Variants in INKA2 observed in about 807,000 individuals in gnomAD.
INKA2 encodes the protein PAK4-inhibitor INKA2.
In INKA2, 3 loss-of-function variants were observed where a neutral mutation model predicts 9.8. The observed-to-expected ratio is 0.31, with a 90% CI of 0.14 to 0.79. The LOEUF is 0.79. INKA2 is among the 30% of genes least tolerant of loss of function. The pLI is 0.62. For synonymous variants in INKA2, 147 were observed against 143.3 expected, an observed-to-expected ratio of 1.03 and a Z score of -0.18; for missense variants, 392 against 384.4, an observed-to-expected ratio of 1.02 and a Z score of -0.17.
chr1:111,743,972 G>A (rs1438061474), upstream of INKA2, among the ~76,000 whole-genome samples: 2 of 152,254 alleles, frequency 1.3e-5, no homozygotes, highest in African/African-American at 4.8e-5. Flanking sequence ...TTCTCTCTAG[G>A]GAGAGGACCT....
upstream of INKA2, among the ~76,000 whole-genome samples, chr1:111,742,980 T>A (rs1663179102): frequency 6.6e-6 from 1 of 152,242 alleles, no homozygotes; most frequent in African/African-American, 2.4e-5. Flanking sequence ...GTAACTCTCA[T>A]CTGGGCAGAG....
At chr1:111,741,074 C>A (rs1296905097), upstream of INKA2, among the ~76,000 whole-genome samples, 1 of 113,948 alleles carries the variant, frequency 8.8e-6, no homozygotes, top group East Asian at 2.7e-4. Flanking sequence ...AGACATGGCG[C>A]GGGGAGGGAG....
chr1:111,751,559 T>A (rs904554438), intron 1 of INKA2, among the ~76,000 whole-genome samples: 2 of 152,216 alleles, frequency 1.3e-5, no homozygotes, highest in Non-Finnish European at 2.9e-5. Context: ...ATTACTAATC[T>A]TCTTCTGAGG....
At chr1:111,749,480 G>T (rs1013988738) in intron 1 of INKA2, among the ~76,000 whole-genome samples, 1 of 152,020 alleles carries the variant, frequency 6.6e-6, no homozygotes, top group Non-Finnish European at 1.5e-5. Flanking sequence ...CAAGGCAGGG[G>T]AGTCTCTGGT....
chr1:111,725,980 G>C lies in INKA2; in HGVS notation c.*988C>G. On this transcript the variant is annotated 3_prime_UTR_variant, in exon 2 of 2. Coordinates refer to ENST00000357260, the MANE Select transcript of INKA2 (RefSeq NM_019099.5). ...ATGAACTCCTGACCCCAGGTAATCC[G>C]CCTGCCTTGCCCTCCCAAAGTGCTG... The C allele has an allele frequency of 2.5e-6, 1 of 395,814 alleles. No individual in the cohort carries two copies. Among genetic ancestry groups the C allele is most frequent in the Non-Finnish European group, 4.5e-6 (1 of 224,388 alleles). 24.5% of individuals were successfully genotyped at this position (395,814 alleles called of 1,614,324 possible).
In INKA2 at chr1:111,723,407, G is replaced by C; in HGVS notation, c.*3561C>G. ...CTGAAAGGTTGGGAAGAGAAAGGGA[G>C]GAGGGAGACCAGGCCGGCCCCACTA... On this transcript the variant is annotated 3_prime_UTR_variant, in exon 2 of 2. Coordinates refer to ENST00000357260, the MANE Select transcript of INKA2 (RefSeq NM_019099.5). 1 of 389,874 alleles carries C rather than the reference G, an allele frequency of 2.6e-6. No homozygotes were observed. Among genetic ancestry groups the C allele is most frequent in the South Asian group, 6.4e-5 (1 of 15,522 alleles). The allele number at this position is 389,874 out of a possible 1,614,324, so 24.2% of individuals were successfully genotyped here. A position where few individuals can be genotyped will look rare whatever the true frequency, so the allele number is the denominator to read the frequency against.
Position 111,755,553 on chromosome 1 carries a change from C to T in INKA2, n.124+148G>A, listed in dbSNP as rs540982657. 4.7e-6 allele frequency: 4 copies of T among 847,546 alleles called. No individual in the cohort carries two copies. In the African/African-American group the frequency reaches 5.4e-5, roughly 11 times the overall value. 52.5% of individuals were successfully genotyped at this position (847,546 alleles called of 1,614,324 possible). ...ACGGAAGCACGAGACGGGGGCGTGACGCACCGGGCGCATCACAAAGAACGG... is the reference window on the plus strand; with the variant it reads ...ACGGAAGCACGAGACGGGGGCGTGATGCACCGGGCGCATCACAAAGAACGG... On this transcript the variant is annotated intron_variant and non_coding_transcript_variant, in intron 1 of 1. Coordinates refer to the INKA2 transcript ENST00000444059.
In INKA2 at chr1:111,726,979, C is replaced by G. The variant is rs376544641; in HGVS notation, c.883G>C (p.Val295Leu). ...TCTGTCTCTAGGATTCAGACCCAAACAGCTGTGTTAATATCAAATCCTGAG... is the reference window on the plus strand; with the variant it reads ...TCTGTCTCTAGGATTCAGACCCAAAGAGCTGTGTTAATATCAAATCCTGAG... ...SPSGFDINTA[V>L]WV is the part of the protein sequence containing the mutation. Residue 295 changes from valine (V) to leucine (L), a missense_variant, in exon 2 of 2, where the codon GTT (valine) becomes CTT (leucine). Val to Leu is a conservative substitution (Grantham distance 32). Coordinates refer to ENST00000357260, the MANE Select transcript of INKA2 (RefSeq NM_019099.5). 2 of 1,613,242 alleles carry G rather than the reference C, an allele frequency of 1.2e-6. No homozygotes were observed. The highest frequency in any genetic ancestry group is 8.5e-7 in the Non-Finnish European group (1 of 1,179,618).
intron 1 of INKA2, chr1:111,755,543 G>T (rs1272671580): frequency 2.6e-6 from 2 of 780,694 alleles, no homozygotes; most frequent in South Asian, 1.9e-5. Context: ...AGCACGAGAC[G>T]GGGGCGTGAC....
rs900039419 is a variant in INKA2, at chr1:111,754,175, G to A, written n.124+1526C>T. ...GGTAAATTGTTAGAAAGTGGCAAAG[G>A]AGTCAAGAATAATTCCCAGGTTTGT... On this transcript the variant is annotated intron_variant and non_coding_transcript_variant, in intron 1 of 1. Coordinates refer to the INKA2 transcript ENST00000444059. 3 of 152,342 alleles carry A rather than the reference G, an allele frequency of 2.0e-5. No homozygotes were observed. In the East Asian group the frequency reaches 5.8e-4, roughly 29 times the overall value. 9.4% of individuals were successfully genotyped at this position (152,342 alleles called of 1,614,324 possible). A position where few individuals can be genotyped will look rare whatever the true frequency, so the allele number is the denominator to read the frequency against.
intron 1 of INKA2, among the ~76,000 whole-genome samples, chr1:111,730,538 G>C (rs56260210): frequency 0.014 from 2,154 of 152,200 alleles, 43 homozygotes; most frequent in African/African-American, 0.048. Flanking sequence ...CCAATGCCCA[G>C]ACTCAAATCC....
chr1:111,723,253 T>C lies in INKA2; in HGVS notation c.*3715A>G, dbSNP rs1464943626. ...GAGGAGCCTCTCCCCAACAAGGCCC[T>C]AGGGAGGAGATGGGGATGTGGAGAG... is the stretch of plus-strand genomic sequence containing the variant. On this transcript the variant is annotated 3_prime_UTR_variant, in exon 2 of 2. Coordinates refer to ENST00000357260, the MANE Select transcript of INKA2 (RefSeq NM_019099.5). 6.8e-6 allele frequency: 4 copies of C among 584,364 alleles called. No individual in the cohort carries two copies. The highest frequency in any genetic ancestry group is 3.6e-4 in the Middle Eastern group (1 of 2,764). The allele number at this position is 584,364 out of a possible 1,614,324, so 36.2% of individuals were successfully genotyped here. A position where few individuals can be genotyped will look rare whatever the true frequency, so the allele number is the denominator to read the frequency against.
chr1:111,733,000 A>T (rs530867839), intron 1 of INKA2, among the ~76,000 whole-genome samples: 15 of 152,292 alleles, frequency 9.8e-5, no homozygotes, highest in African/African-American at 3.1e-4. Flanking sequence ...TTTCCTCTGC[A>T]CGGCCTGATC....
At chr1:111,755,784 C>T in exon 1 of INKA2, 1 of 1,610,534 alleles carries the variant, frequency 6.2e-7, no homozygotes, top group Non-Finnish European at 8.5e-7. Context: ...TCTCAGCCTC[C>T]GACTCCCGTC....
intron 1 of INKA2, among the ~76,000 whole-genome samples, chr1:111,733,946 C>G (rs1303152151): frequency 1.3e-5 from 2 of 152,296 alleles, no homozygotes; most frequent in Non-Finnish European, 2.9e-5. Flanking sequence ...TTCCCCCACC[C>G]CATTACTCAC....
chr1:111,753,417 G>C (rs1663450772), intron 1 of INKA2, among the ~76,000 whole-genome samples: 1 of 151,970 alleles, frequency 6.6e-6, no homozygotes, highest in South Asian at 2.1e-4. Context: ...TAAAAATTAT[G>C]GTCAACAACA....
At chr1:111,737,612 G>A (rs1034972995) in intron 1 of INKA2, among the ~76,000 whole-genome samples, 1 of 152,206 alleles carries the variant, frequency 6.6e-6, no homozygotes, top group Admixed American at 6.5e-5. Context: ...AATTGTGTAC[G>A]TGTGGGCTGG....
chr1:111,723,991 TTCAATC>T lies in INKA2; in HGVS notation c.*2971_*2976del, dbSNP rs774768623. On this transcript the variant is annotated 3_prime_UTR_variant, in exon 2 of 2. Transcript: ENST00000357260. ...AAGATTGCAAGTCAGTTGGAACTGA[TTCAATC>T]TCAATTCCACTACTGTGTGACCTTG... 4 of 152,272 alleles carry T rather than the reference TTCAATC, an allele frequency of 2.6e-5. No individual in the cohort carries two copies. The highest frequency in any genetic ancestry group is 4.4e-5 in the Non-Finnish European group (3 of 68,048). 9.4% of individuals were successfully genotyped at this position (152,272 alleles called of 1,614,324 possible).
intron 1 of INKA2, among the ~76,000 whole-genome samples, chr1:111,732,356 C>T (rs146057940): frequency 1.6e-3 from 246 of 152,212 alleles, no homozygotes; most frequent in African/African-American, 5.8e-3. Context: ...GACAAAATCC[C>T]GAGCAGACAT....
Sources: allele counts gnomAD v4.1 joint callset (sites outside exome capture counted in the v4.1 genomes callset), GRCh38; gene constraint gnomAD v4.1.1; transcripts MANE v1.5; gene names NCBI Gene and HGNC (gene_info 2026-07-23, HGNC 2026-07-21).